L3MBTL4: variants seen among roughly 807,000 people sequenced by gnomAD.
The protein encoded by L3MBTL4 is lethal(3)malignant brain tumor-like protein 4.
Under a neutral mutation model 84.5 loss-of-function variants are expected in L3MBTL4, and 70 were observed. That is an observed-to-expected ratio of 0.83 (90% CI 0.68 to 1.01). L3MBTL4 has a LOEUF of 1.01. Among genes scored for constraint, L3MBTL4 ranks in the 50% least tolerant of loss-of-function variants. The pLI is 0.00. For synonymous variants in L3MBTL4, 274 were observed against 259.8 expected (o/e 1.05, Z -0.52); for missense variants, 715 against 754.8 (o/e 0.95, Z 0.62).
rs1266258945 is a variant in L3MBTL4, at chr18:6,066,814, A to G, written c.1444+14067T>C. ...GGTTGATTTTTTTATGCATTCTGCC[A>G]TTCTGTATCTTTTAAGTAGAACACT... On this transcript the variant is annotated intron_variant, in intron 16 of 18. Transcript: ENST00000317931. 2.0e-5 allele frequency among the ~76,000 whole-genome samples: 3 copies of G among 151,722 alleles called. 1 individual carries two copies. Among genetic ancestry groups the G allele is most frequent in the African/African-American group, 4.8e-5 (2 of 41,274 alleles).
chr18:6,256,699 T>A (rs2048155857), intron 5 of L3MBTL4: 1 of 151,944 alleles, frequency 6.6e-6, no homozygotes, highest in Non-Finnish European at 1.5e-5. Flanking sequence ...AGTTGGTGAG[T>A]CATCAGGCAG....
chr18:6,187,570 T>TAAA (rs2044836810), intron 12 of L3MBTL4, among the ~76,000 whole-genome samples: 1 of 152,226 alleles, frequency 6.6e-6, no homozygotes, highest in African/African-American at 2.4e-5. Context: ...GGCTCATGTT[T>TAAA]ACATGTACTG....
At chr18:6,046,601 C>T in intron 16 of L3MBTL4, 1 of 565,122 alleles carries the variant, frequency 1.8e-6, no homozygotes, top group Non-Finnish European at 3.2e-6. Flanking sequence ...ATACCAAGAT[C>T]TCCCAAAACC....
intron 5 of L3MBTL4, among the ~76,000 whole-genome samples, chr18:6,249,718 T>C (rs1871058007): frequency 6.6e-6 from 1 of 152,262 alleles, no homozygotes; most frequent in African/African-American, 2.4e-5. Context: ...AAAAATCTTA[T>C]GTTTCATTAA....
rs1429290739 is a variant in L3MBTL4, at chr18:6,384,986, A to G, written c.-91+29815T>C. On this transcript the variant is annotated intron_variant, in intron 1 of 18. Transcript: ENST00000317931. ...GGAGTGACAGGTCTTCCTTTGGGGG[A>G]GAATAGAGAAGGAAGAAAAAAAGAG... Among the ~76,000 whole-genome samples the G allele has an allele frequency of 3.9e-5, 6 of 152,256 alleles. No homozygotes were observed. In the East Asian group the frequency reaches 7.7e-4, roughly 20 times the overall value.
intron 10 of L3MBTL4, among the ~76,000 whole-genome samples, chr18:6,234,503 A>G (rs1344789612): frequency 1.3e-5 from 2 of 152,346 alleles, no homozygotes; most frequent in East Asian, 3.9e-4. Flanking sequence ...AAAAGTGGGC[A>G]AAGAATATGA....
At chr18:6,039,100 G>C (rs1161492708) in intron 16 of L3MBTL4, among the ~76,000 whole-genome samples, 1 of 151,790 alleles carries the variant, frequency 6.6e-6, no homozygotes, top group African/African-American at 2.4e-5. Context: ...GGAGCACACA[G>C]ACAGATGGTA....
At chr18:6,350,874 A>G (rs1386668013) in intron 1 of L3MBTL4, among the ~76,000 whole-genome samples, 1 of 152,200 alleles carries the variant, frequency 6.6e-6, no homozygotes, top group East Asian at 1.9e-4. Context: ...TAAACATACA[A>G]TGGAATATTA....
rs111727200 is a variant in L3MBTL4, at chr18:6,078,051, A to C, written c.1444+2830T>G. On this transcript the variant is annotated intron_variant, in intron 16 of 18. Transcript: ENST00000317931. The stretch of plus-strand genomic sequence containing the variant: ...TCAATAAATAAATGAACAATAAATA[A>C]ATAATAAATAAAAGACTCCTGATGA... Among the ~76,000 whole-genome samples, 55 of 151,212 alleles carry C rather than the reference A, an allele frequency of 3.6e-4. 2 individuals are homozygous for C. Among genetic ancestry groups the C allele is most frequent in the African/African-American group, 1.3e-3 (55 of 41,138 alleles).
chr18:6,075,513 C>T (rs539862277), intron 16 of L3MBTL4, among the ~76,000 whole-genome samples: 2 of 152,108 alleles, frequency 1.3e-5, no homozygotes, highest in South Asian at 2.1e-4. Context: ...TATGTTACAC[C>T]ATGCATAAAA....
chr18:5,991,844 GAGCCC>G (rs2053714241), intron 16 of L3MBTL4, among the ~76,000 whole-genome samples: 1 of 151,854 alleles, frequency 6.6e-6, no homozygotes, highest in South Asian at 2.1e-4. Context: ...GTGACATGCT[GAGCCC>G]AGCCAACCCC....
intron 1 of L3MBTL4, among the ~76,000 whole-genome samples, chr18:6,334,623 C>A (rs1289147148): frequency 1.3e-5 from 2 of 152,054 alleles, no homozygotes; most frequent in Admixed American, 1.3e-4. Context: ...TTTTTTCTTA[C>A]TAGTGGTCCT....
intron 1 of L3MBTL4, among the ~76,000 whole-genome samples, chr18:6,407,982 A>T (rs965433431): frequency 6.6e-6 from 1 of 152,176 alleles, no homozygotes; most frequent in African/African-American, 2.4e-5. Context: ...GCAGACACAA[A>T]TGTACAAAAG....
At chr18:6,200,449 G>GT (rs564751514) in intron 12 of L3MBTL4, among the ~76,000 whole-genome samples, 214 of 152,282 alleles carry the variant, frequency 1.4e-3, no homozygotes, top group African/African-American at 5.0e-3. Context: ...GCTACCGGCA[G>GT]TTTTTGCCAT....
intron 16 of L3MBTL4, among the ~76,000 whole-genome samples, chr18:6,069,598 G>A (rs993198488): frequency 2.0e-4 from 30 of 152,288 alleles, no homozygotes; most frequent in African/African-American, 7.2e-4. Context: ...CGGCCACTGT[G>A]AGGATTGGGA....
At position 6,255,183 on chromosome 18, in the gene L3MBTL4, G is replaced by T. The variant is rs148139080; in HGVS notation, c.219+8764C>A. Among the ~76,000 whole-genome samples, 8 of 152,238 alleles carry T rather than the reference G, an allele frequency of 5.3e-5. No individual in the cohort carries two copies. The South Asian group carries it at 1.7e-3, about 32-fold the overall frequency. ...ATTTCCTTTAACTAAACAAGAAGTC[G>T]TGTCTACCCTTGATTCCAAATGCCA... On this transcript the variant is annotated intron_variant, in intron 5 of 18. Transcript: ENST00000317931.
intron 12 of L3MBTL4, among the ~76,000 whole-genome samples, chr18:6,210,219 G>A (rs1402358427): frequency 1.3e-5 from 2 of 152,192 alleles, no homozygotes; most frequent in Non-Finnish European, 2.9e-5. Context: ...AGGAAATGAA[G>A]TTGTCTTTAG....
At chr18:6,175,765 A>G (rs1228342005) in intron 12 of L3MBTL4, among the ~76,000 whole-genome samples, 1 of 152,182 alleles carries the variant, frequency 6.6e-6, no homozygotes, top group Non-Finnish European at 1.5e-5. Context: ...CCCCAAAATC[A>G]AGAATAAGGC....
At chr18:6,089,187 T>C (rs2058356710) in intron 15 of L3MBTL4, among the ~76,000 whole-genome samples, 1 of 152,172 alleles carries the variant, frequency 6.6e-6, no homozygotes, top group Non-Finnish European at 1.5e-5. Context: ...AGAGGGGAGC[T>C]GCATTCCAAA....
Sources: gnomAD v4.1 joint callset for allele counts (sites outside exome capture counted in the v4.1 genomes callset) on GRCh38, gnomAD v4.1.1 for gene constraint, MANE v1.5 for transcripts, NCBI Gene and HGNC (gene_info 2026-07-23, HGNC 2026-07-21) for gene names.